Variants in CNTN1 observed in about 807,000 individuals in gnomAD.
The protein encoded by CNTN1 is contactin-1.
Under a neutral mutation model 126.4 loss-of-function variants are expected in CNTN1, and 38 were observed. The ratio of observed to expected loss-of-function variants is 0.30; its 90% CI spans 0.23 to 0.39. CNTN1 has a LOEUF of 0.39. Ranked by LOEUF, CNTN1 falls within the 10% of genes least tolerant of loss-of-function variation. CNTN1 has a pLI of 1.00. For missense variants in CNTN1, 1,009 were observed against 1,248.4 expected, an observed-to-expected ratio of 0.81 and a Z score of 2.89; for synonymous variants, 413 against 422.6, an observed-to-expected ratio of 0.98 and a Z score of 0.28.
rs192817183 is a variant in CNTN1, at chr12:40,901,150, C to T, written c.-76-7207C>T. 4.6e-5 allele frequency among the ~76,000 whole-genome samples: 7 copies of T among 152,276 alleles called. No individual in the cohort carries two copies. The East Asian group carries it at 7.7e-4, about 17-fold the overall frequency. On this transcript the variant is annotated intron_variant, in intron 1 of 23. Transcript: ENST00000551295. ...AGAGCTGTACTGAGTTAATAGGGAT[C>T]GTGTAGATTGCCCAAAAATGCATAG...
intron 22 of CNTN1, 104 bp from the exon 23 acceptor site, chr12:41,028,959 T>G: frequency 9.0e-7 from 1 of 1,115,094 alleles, no homozygotes; most frequent in East Asian, 2.5e-5. Context: ...AATTTATTAC[T>G]TTTTGTTAAT....
intron 23 of CNTN1, among the ~76,000 whole-genome samples, chr12:41,061,229 G>A (rs769405620): frequency 5.9e-5 from 9 of 152,118 alleles, no homozygotes; most frequent in Non-Finnish European, 1.3e-4. Context: ...GTGCTTATTG[G>A]CCAGCTTCTT....
intron 1 of CNTN1, among the ~76,000 whole-genome samples, chr12:40,718,050 T>C (rs1337152233): frequency 2.0e-5 from 3 of 152,230 alleles, no homozygotes; most frequent in African/African-American, 2.4e-5. Flanking sequence ...ATTGGGTCTA[T>C]TTAGTTTCTT....
At chr12:40,753,934 C>A (rs1471252271) in intron 1 of CNTN1, among the ~76,000 whole-genome samples, 3 of 151,978 alleles carry the variant, frequency 2.0e-5, no homozygotes, top group Non-Finnish European at 4.4e-5. Flanking sequence ...TTTAATTCAT[C>A]TCCTATTGTT....
rs139222075 is a variant in CNTN1, at chr12:40,942,230, G to T, written c.1380-1367G>T. 4.1e-4 allele frequency among the ~76,000 whole-genome samples: 63 copies of T among 152,170 alleles called. No individual in the cohort carries two copies. The East Asian group carries it at 0.012, about 28-fold the overall frequency. The stretch of plus-strand genomic sequence containing the variant: ...TAATATTGGTACTGTGTTAATATGT[G>T]TCCTCCAAGAAGCTGAAGCCAGGAA... On this transcript the variant is annotated intron_variant, in intron 12 of 23. Coordinates refer to ENST00000551295, the MANE Select transcript of CNTN1 (RefSeq NM_001843.4).
rs142163569 is a variant in CNTN1 at position 40,875,483 on chromosome 12, A to G, written c.-76-32874A>G. 9.5e-3 allele frequency among the ~76,000 whole-genome samples: 1,443 copies of G among 152,240 alleles called. 17 individuals are homozygous for G. Among genetic ancestry groups the G allele is most frequent in the African/African-American group, 0.032 (1,332 of 41,550 alleles). On this transcript the variant is annotated intron_variant, in intron 1 of 23. Transcript: ENST00000551295. ...GTAATTTTGTCATTTCAGGAATGTT[A>G]TAACATTCTATATAAATGGAAAGTC...
At chr12:40,836,297 G>A (rs1269941535) in intron 1 of CNTN1, among the ~76,000 whole-genome samples, 1 of 147,934 alleles carries the variant, frequency 6.8e-6, no homozygotes, top group Non-Finnish European at 1.5e-5. Flanking sequence ...ACATATATGT[G>A]TATATATATA....
At position 40,703,679 on chromosome 12, in the gene CNTN1, G is replaced by A. The variant is rs117489638; in HGVS notation, c.-77+11087G>A. Among the ~76,000 whole-genome samples the A allele has an allele frequency of 4.3e-3, 652 of 152,280 alleles. 1 individual carries two copies. Among genetic ancestry groups the A allele is most frequent in the Non-Finnish European group, 7.7e-3 (526 of 68,016 alleles). On this transcript the variant is annotated intron_variant, in intron 1 of 23. Transcript: ENST00000551295. Reference sequence around the variant, plus strand: ...TTCAGTGAGAAGAGTTTCTAGACATGTAAAGGGGCCTGTTTCCTATGAATA... The same window carrying A: ...TTCAGTGAGAAGAGTTTCTAGACATATAAAGGGGCCTGTTTCCTATGAATA...
rs150734960 is a variant in CNTN1, at chr12:41,029,168, C to T, written c.2929C>T (p.Arg977Cys). 4.2e-4 allele frequency: 682 copies of T among 1,613,902 alleles called. 3 individuals carry two copies. The highest frequency in any genetic ancestry group is 2.2e-4 in the Admixed American group (13 of 59,962). The change falls in exon 23 of 24, where the codon CGC (arginine) becomes TGC (cysteine). Residue 977 changes from arginine to cysteine, a missense_variant. By Grantham distance (180) the Arg-to-Cys change is radical. Coordinates refer to ENST00000551295, the MANE Select transcript of CNTN1 (RefSeq NM_001843.4). ...PRDGEYVVEV[R>C]AHSDGGDGVV... is the part of the protein sequence containing the mutation. ...AGATGGAGAATACGTTGTGGAGGTT[C>T]GCGCGCACAGTGATGGAGGAGATGG...
intron 1 of CNTN1, among the ~76,000 whole-genome samples, chr12:40,756,669 C>A (rs571163121): frequency 6.6e-6 from 1 of 152,212 alleles, no homozygotes; most frequent in African/African-American, 2.4e-5. Flanking sequence ...TCCCCTAGAT[C>A]TTGCAAATAG....
At chr12:40,844,312 C>T (rs536678149) in intron 1 of CNTN1, among the ~76,000 whole-genome samples, 7 of 151,968 alleles carry the variant, frequency 4.6e-5, no homozygotes, top group African/African-American at 7.2e-5. Context: ...ACGATACACC[C>T]GCCTCGGCCT....
chr12:40,844,336 G>A (rs554643136), intron 1 of CNTN1, among the ~76,000 whole-genome samples: 14 of 152,118 alleles, frequency 9.2e-5, no homozygotes, highest in South Asian at 8.3e-4. Flanking sequence ...AAAGTGCTGG[G>A]ATTACAGGCA....
chr12:40,832,650 T>C (rs1217905337), intron 1 of CNTN1, among the ~76,000 whole-genome samples: 2 of 152,208 alleles, frequency 1.3e-5, no homozygotes, highest in African/African-American at 4.8e-5. Context: ...ACCATGTCTT[T>C]TATTTTCTGA....
In CNTN1 at chr12:40,768,421, C is replaced by T. The variant is rs141245388; in HGVS notation, c.-77+75829C>T. On this transcript the variant is annotated intron_variant, in intron 1 of 23. Transcript: ENST00000551295. Reference sequence around the variant, plus strand: ...TGCTTTTACAAATCCCTTATAAGCACACACTAATTAGGAAATCATATCCTT... The same window carrying T: ...TGCTTTTACAAATCCCTTATAAGCATACACTAATTAGGAAATCATATCCTT... 5.3e-3 allele frequency among the ~76,000 whole-genome samples: 804 copies of T among 152,258 alleles called. 7 individuals carry two copies. The highest frequency in any genetic ancestry group is 0.018 in the African/African-American group (735 of 41,558).
chr12:40,940,013 G>A (rs979518084), intron 12 of CNTN1, among the ~76,000 whole-genome samples: 1 of 151,914 alleles, frequency 6.6e-6, no homozygotes, highest in Admixed American at 6.6e-5. Flanking sequence ...GGTGGTTTGG[G>A]GACAAAATGA....
intron 14 of CNTN1, among the ~76,000 whole-genome samples, chr12:40,946,253 T>C (rs1946429964): frequency 6.6e-6 from 1 of 152,250 alleles, no homozygotes; most frequent in East Asian, 1.9e-4. Context: ...AAATATTTGA[T>C]CCACCTTTTG....
At chr12:40,826,030 A>G (rs921304975) in intron 1 of CNTN1, among the ~76,000 whole-genome samples, 1 of 152,302 alleles carries the variant, frequency 6.6e-6, no homozygotes, top group Admixed American at 6.5e-5. Context: ...CACTGAAGAA[A>G]GAGGGACTAA....
chr12:40,715,686 G>A (rs951348649), intron 1 of CNTN1, among the ~76,000 whole-genome samples: 2 of 152,100 alleles, frequency 1.3e-5, no homozygotes, highest in African/African-American at 4.8e-5. Flanking sequence ...TTCATTAACT[G>A]ATTTCAAATC....
At chr12:41,016,203 G>A (rs1948776773) in intron 18 of CNTN1, among the ~76,000 whole-genome samples, 1 of 152,206 alleles carries the variant, frequency 6.6e-6, no homozygotes, top group Admixed American at 6.5e-5. Flanking sequence ...CATAAAACGT[G>A]TATTCTAGTA....
Sources: gnomAD v4.1 joint callset for allele counts (sites outside exome capture counted in the v4.1 genomes callset) on GRCh38, gnomAD v4.1.1 for gene constraint, MANE v1.5 for transcripts, NCBI Gene and HGNC (gene_info 2026-07-23, HGNC 2026-07-21) for gene names.